BICC1: variants seen among roughly 807,000 people sequenced by gnomAD.
BICC1 encodes the protein BicC family RNA binding protein 1.
A neutral mutation model predicts 111.0 loss-of-function variants in BICC1; 43 were observed. The observed-to-expected ratio is 0.39, with a 90% CI of 0.30 to 0.50. The LOEUF (loss-of-function observed/expected upper bound fraction) is 0.50, where lower values mean the gene tolerates loss of function less well. BICC1 is among the 20% of genes least tolerant of loss of function. BICC1 has a pLI of 0.88. For synonymous variants in BICC1, 467 were observed against 434.4 expected, an observed-to-expected ratio of 1.07 and a Z score of -0.93; for missense variants, 1,091 against 1,203.2, an observed-to-expected ratio of 0.91 and a Z score of 1.38.
chr10:58,757,594 T>C (rs1842182175), intron 3 of BICC1, among the ~76,000 whole-genome samples: 3 of 152,062 alleles, frequency 2.0e-5, no homozygotes, highest in African/African-American at 7.2e-5. Flanking sequence ...CTTTAAGAGA[T>C]TGAGTCCGTA....
intron 2 of BICC1, among the ~76,000 whole-genome samples, chr10:58,640,292 G>A (rs1838084244): frequency 6.6e-6 from 1 of 152,166 alleles, no homozygotes; most frequent in African/African-American, 2.4e-5. Context: ...ATAAAAAGGT[G>A]TCAGTTGTAT....
chr10:58,708,383 G>A (rs779461249), intron 3 of BICC1, among the ~76,000 whole-genome samples: 7 of 152,088 alleles, frequency 4.6e-5, no homozygotes, highest in Non-Finnish European at 5.9e-5. Context: ...CAAGTGAAGC[G>A]GCATCATTGT....
At chr10:58,676,622 C>T (rs910168651) in intron 2 of BICC1, among the ~76,000 whole-genome samples, 1 of 152,186 alleles carries the variant, frequency 6.6e-6, no homozygotes, top group South Asian at 2.1e-4. Context: ...GGTACAGCAT[C>T]AGCAGGCTTA....
At chr10:58,796,182 C>T (rs1426347999) in intron 9 of BICC1, among the ~76,000 whole-genome samples, 158 bp from the exon 10 acceptor site, 5 of 152,044 alleles carry the variant, frequency 3.3e-5, no homozygotes, top group South Asian at 2.1e-4. Context: ...ATCTTAAGCA[C>T]GAAGTGGTTA....
At chr10:58,764,327 T>C (rs939776593) in intron 3 of BICC1, among the ~76,000 whole-genome samples, 3 of 152,128 alleles carry the variant, frequency 2.0e-5, no homozygotes, top group Non-Finnish European at 2.9e-5. Context: ...GACTGAGCCA[T>C]AGAAGTGGAA....
intron 3 of BICC1, among the ~76,000 whole-genome samples, chr10:58,737,958 G>A (rs533503532): frequency 4.3e-4 from 66 of 152,124 alleles, no homozygotes; most frequent in Non-Finnish European, 8.1e-4. Context: ...TTGTAAATTG[G>A]TTTGAGTTCA....
intron 3 of BICC1, among the ~76,000 whole-genome samples, chr10:58,736,050 G>A (rs1036487145): frequency 2.6e-5 from 4 of 152,126 alleles, no homozygotes; most frequent in African/African-American, 7.2e-5. Flanking sequence ...CCAATTGCAG[G>A]GGTGCCTGAG....
chr10:58,743,553 C>T (rs2132614599), intron 3 of BICC1, among the ~76,000 whole-genome samples: 1 of 150,354 alleles, frequency 6.7e-6, no homozygotes, highest in Non-Finnish European at 1.5e-5. Context: ...CCTTAAAATA[C>T]CAGCAGAAAT....
chr10:58,602,095 T>C (rs2030533714), intron 1 of BICC1, among the ~76,000 whole-genome samples: 1 of 152,160 alleles, frequency 6.6e-6, no homozygotes, highest in Admixed American at 6.5e-5. Context: ...CATTTAAGTT[T>C]CTTGAATTTA....
chr10:58,659,158 G>T (rs1838759573), intron 2 of BICC1, among the ~76,000 whole-genome samples: 2 of 152,184 alleles, frequency 1.3e-5, no homozygotes, highest in South Asian at 4.1e-4. Flanking sequence ...ATGTAAATTA[G>T]TTCAGCCATT....
In BICC1 at chr10:58,679,766, A is replaced by G. The variant is rs142541716; in HGVS notation, c.238-22308A>G. 5.8e-3 allele frequency among the ~76,000 whole-genome samples: 879 copies of G among 152,306 alleles called. 9 individuals are homozygous for G. The highest frequency in any genetic ancestry group is 0.021 in the African/African-American group (853 of 41,566). Reference sequence around the variant, plus strand: ...AATTTCAGGCCGGTACCCCTGATGAACATCAATGCAAAAATCCTCAATAAA... The same window carrying G: ...AATTTCAGGCCGGTACCCCTGATGAGCATCAATGCAAAAATCCTCAATAAA... On this transcript the variant is annotated intron_variant, in intron 2 of 20. Coordinates refer to ENST00000373886, the MANE Select transcript of BICC1 (RefSeq NM_001080512.3).
chr10:58,610,887 A>G (rs1024823125), intron 1 of BICC1, among the ~76,000 whole-genome samples: 1 of 152,070 alleles, frequency 6.6e-6, no homozygotes, highest in Admixed American at 6.5e-5. Context: ...AGCTGTGAAG[A>G]TTCTACTATA....
At chr10:58,586,439 G>A (rs1462566896) in intron 1 of BICC1, among the ~76,000 whole-genome samples, 2 of 151,792 alleles carry the variant, frequency 1.3e-5, no homozygotes, top group Non-Finnish European at 2.9e-5. Context: ...TGTTAACAGT[G>A]GAATACAAAG....
rs79780115 is a variant in BICC1, at chr10:58,817,010, C to T, written c.2534-552C>T. 3.2e-3 allele frequency among the ~76,000 whole-genome samples: 492 copies of T among 152,142 alleles called. 14 individuals are homozygous for T. In the East Asian group the frequency reaches 0.067, roughly 21 times the overall value. ...CCAGCATCATTCTTATCACTTTATA[C>T]ATTACTATTAATCTTGGAAGTGTGC... On this transcript the variant is annotated intron_variant, in intron 18 of 20. Transcript: ENST00000373886.
At chr10:58,670,542 T>C (rs1270142293) in intron 2 of BICC1, among the ~76,000 whole-genome samples, 1 of 152,124 alleles carries the variant, frequency 6.6e-6, no homozygotes, top group Non-Finnish European at 1.5e-5. Context: ...GGACTTTGGG[T>C]CTGATCACAT....
rs1589120558 is a variant in BICC1, at chr10:58,586,471, ACTT to A, written c.191-34382_191-34380del. Reference sequence around the variant, plus strand: ...AAAGTGAATAAGATTCATGCAGAGTACTTCCTGTAATACCAGCTACTCGGGTGG... The same window carrying A: ...AAAGTGAATAAGATTCATGCAGAGTACCTGTAATACCAGCTACTCGGGTGG... On this transcript the variant is annotated intron_variant, in intron 1 of 20. Transcript: ENST00000373886. Among the ~76,000 whole-genome samples the A allele has an allele frequency of 2.7e-5, 4 of 150,290 alleles. No homozygotes were observed. In the East Asian group the frequency reaches 8.0e-4, roughly 30 times the overall value.
At chr10:58,731,187 C>T (rs929693091) in intron 3 of BICC1, among the ~76,000 whole-genome samples, 1 of 152,134 alleles carries the variant, frequency 6.6e-6, no homozygotes, top group African/African-American at 2.4e-5. Flanking sequence ...ATCCCTAGAG[C>T]AGGAGAACAA....
chr10:58,718,095 T>G (rs180902527), intron 3 of BICC1, among the ~76,000 whole-genome samples: 2 of 152,354 alleles, frequency 1.3e-5, no homozygotes, highest in Admixed American at 1.3e-4. Context: ...TCATATTCTT[T>G]CCCTATGTTA....
intron 3 of BICC1, among the ~76,000 whole-genome samples, chr10:58,730,642 T>A (rs1406226058): frequency 1.3e-5 from 2 of 152,046 alleles, no homozygotes; most frequent in Non-Finnish European, 2.9e-5. Context: ...TCATATATCC[T>A]CTAAAATCTA....
Sources: allele counts gnomAD v4.1 joint callset (sites outside exome capture counted in the v4.1 genomes callset), GRCh38; gene constraint gnomAD v4.1.1; transcripts MANE v1.5; gene names NCBI Gene and HGNC (gene_info 2026-07-23, HGNC 2026-07-21).